The following HDAC11 variants were observed in gnomAD, a reference collection of about 807,000 sequenced individuals.
HDAC11 encodes the protein histone deacetylase 11.
HDAC11 carries 23 observed loss-of-function variants against 41.1 expected under a neutral mutation model. The ratio of observed to expected loss-of-function variants is 0.56; its 90% CI spans 0.40 to 0.79. The LOEUF (loss-of-function observed/expected upper bound fraction) is 0.79, where lower values mean the gene tolerates loss of function less well. Ranked by LOEUF, HDAC11 falls within the 30% of genes least tolerant of loss-of-function variation. HDAC11 has a pLI of 0.00. For missense variants in HDAC11, 402 were observed against 477.3 expected (o/e 0.84, Z 1.47); for synonymous variants, 187 against 186.6 (o/e 1.00, Z -0.02).
At chr3:13,482,637 C>T (rs1478805748) in intron 2 of HDAC11, among the ~76,000 whole-genome samples, 1 of 152,138 alleles carries the variant, frequency 6.6e-6, no homozygotes, top group Non-Finnish European at 1.5e-5. Flanking sequence ...AAATAAAAAA[C>T]TTAGCTGGGG....
Position 13,504,710 on chromosome 3 carries a change from C to T in HDAC11, c.*27C>T, listed in dbSNP as rs1702542225. The T allele has an allele frequency of 6.3e-7, 1 of 1,583,478 alleles. No individual in the cohort carries two copies. The highest frequency in any genetic ancestry group is 8.7e-7 in the Non-Finnish European group (1 of 1,153,278). On this transcript the variant is annotated 3_prime_UTR_variant, in exon 10 of 10. Coordinates refer to ENST00000295757, the MANE Select transcript of HDAC11 (RefSeq NM_024827.4). ...CCTTGCTGCCCTGCCTGTCACGTGG[C>T]CCTGCCTATCCGCCCCTTAGTGCTT...
rs909940805 is a variant in HDAC11, at chr3:13,481,276, G to A, written c.33G>A (p.Val11=). 1.2e-6 allele frequency: 2 copies of A among 1,612,388 alleles called. No homozygotes were observed. Among genetic ancestry groups the A allele is most frequent in the Non-Finnish European group, 8.5e-7 (1 of 1,179,984 alleles). The stretch of plus-strand genomic sequence containing the variant: ...ACACAACCCAGCTGTACCAGCATGT[G>A]CCAGAGACACGCTGGCCAATCGTGT... MLHTTQLYQH[V]PETRWPIVYS... is the part of the protein sequence containing the mutation. The change falls in exon 2 of 10, where the codon GTG becomes GTA. Residue 11 remains valine, a synonymous_variant. Transcript: ENST00000295757.
rs773395422 is a variant in HDAC11 at position 13,483,502 on chromosome 3, C to T, written c.190C>T (p.Arg64Trp). ...LLSDSMLVEA[R>W]EASEEDLLVV... The stretch of plus-strand genomic sequence containing the variant: ...GTCTGACAGCATGCTGGTGGAGGCG[C>T]GGGAGGCCTCGGAGGAGGACCTGCT... The change falls in exon 3 of 10, where the codon CGG (arginine) becomes TGG (tryptophan). Residue 64 changes from arginine to tryptophan, a missense_variant. Arg to Trp is a moderately radical substitution (Grantham distance 101). Coordinates refer to ENST00000295757, the MANE Select transcript of HDAC11 (RefSeq NM_024827.4). 1.4e-5 allele frequency: 23 copies of T among 1,613,230 alleles called. No homozygotes were observed. Among genetic ancestry groups the T allele is most frequent in the African/African-American group, 5.3e-5 (4 of 74,856 alleles).
chr3:13,488,921 GT>G (rs61601998), intron 3 of HDAC11, among the ~76,000 whole-genome samples: 6,735 of 146,582 alleles, frequency 0.046, 319 homozygotes, highest in African/African-American at 0.12. Context: ...ATTTTCTGGT[GT>G]TTTTTTTTTT....
chr3:13,504,435 C>T (rs1446954143), intron 9 of HDAC11, 33 bp from the exon 10 acceptor site: 5 of 1,609,992 alleles, frequency 3.1e-6, no homozygotes, highest in African/African-American at 2.7e-5. Context: ...GGGGGTCTGG[C>T]CTGCCTGAGT....
intron 3 of HDAC11, among the ~76,000 whole-genome samples, chr3:13,485,115 G>A (rs1362959618): frequency 6.6e-5 from 10 of 152,222 alleles, no homozygotes; most frequent in Admixed American, 5.2e-4. Flanking sequence ...GAAGTTGGCC[G>A]GGCCTTGGGG....
chr3:13,488,961 G>A (rs1192901223), intron 3 of HDAC11, among the ~76,000 whole-genome samples: 6 of 152,032 alleles, frequency 3.9e-5, no homozygotes, highest in African/African-American at 1.2e-4. Flanking sequence ...CTTACTGGAT[G>A]TGAAGTGGTA....
intron 3 of HDAC11, among the ~76,000 whole-genome samples, chr3:13,489,340 G>A (rs1449654007): frequency 6.6e-6 from 1 of 152,092 alleles, no homozygotes; most frequent in African/African-American, 2.4e-5. Flanking sequence ...TCTTCTAAGA[G>A]TTTTATAGTT....
At chr3:13,484,439 G>T (rs920422349) in intron 3 of HDAC11, among the ~76,000 whole-genome samples, 1 of 152,222 alleles carries the variant, frequency 6.6e-6, no homozygotes, top group Non-Finnish European at 1.5e-5. Flanking sequence ...TTCCCAAGGG[G>T]CGGCTCCTCA....
chr3:13,502,165 G>A lies in HDAC11; in HGVS notation c.552+232G>A. ...CCTCCTCCTGACTGCCCCCACATGA[G>A]GCTCTTCCTGAAGCCCACTCTGATG... On this transcript the variant is annotated intron_variant, in intron 7 of 9. Coordinates refer to ENST00000295757, the MANE Select transcript of HDAC11 (RefSeq NM_024827.4). This position sits in a 1 kb window ranked among gnomAD's most constrained non-coding sequence, Gnocchi z 4.1. The A allele has an allele frequency of 3.6e-6, 2 of 549,518 alleles. No homozygotes were observed. The highest frequency in any genetic ancestry group is 4.8e-4 in the Middle Eastern group (1 of 2,064). 34.0% of individuals were successfully genotyped at this position (549,518 alleles called of 1,614,324 possible).
chr3:13,498,688 C>T, intron 5 of HDAC11, 133 bp downstream of exon 5: 1 of 982,864 alleles, frequency 1.0e-6, no homozygotes, highest in Non-Finnish European at 1.5e-6. Context: ...TCCCAAGTCA[C>T]CCTAGCCTCC....
intron 2 of HDAC11, 88 bp from the exon 3 acceptor site, chr3:13,483,376 G>A (rs993183564): frequency 4.6e-5 from 52 of 1,142,404 alleles, no homozygotes; most frequent in Non-Finnish European, 3.1e-5. Context: ...GGCTGCCACA[G>A]GCCAAGTCTG....
intron 1 of HDAC11, chr3:13,481,038 C>T (rs1701290432): frequency 5.1e-6 from 3 of 583,622 alleles, no homozygotes; most frequent in Non-Finnish European, 9.1e-6. Flanking sequence ...GTGGTGCCTA[C>T]CCCCAGGGCT....
In HDAC11 at chr3:13,490,258, C is replaced by G. The variant is rs139545990; in HGVS notation, c.253-6478C>G. Among the ~76,000 whole-genome samples, 749 of 152,262 alleles carry G rather than the reference C, an allele frequency of 4.9e-3. 9 individuals carry two copies. The highest frequency in any genetic ancestry group is 0.017 in the African/African-American group (720 of 41,552). On this transcript the variant is annotated intron_variant, in intron 3 of 9. Coordinates refer to ENST00000295757, the MANE Select transcript of HDAC11 (RefSeq NM_024827.4). Reference sequence around the variant, plus strand: ...CTGCCTGCCTCTGCCTCCCAAAGTGCTGGGATTACAGGCATGAGCCACCGT... The same window carrying G: ...CTGCCTGCCTCTGCCTCCCAAAGTGGTGGGATTACAGGCATGAGCCACCGT...
Position 13,502,854 on chromosome 3 carries a change from C to T in HDAC11, c.553-30C>T. ...CCCCAGCCTTGCCTAGGGCACCTAC[C>T]CGAGAGCGGCTACTGTGACCTCCCC... On this transcript the variant is annotated intron_variant, in intron 7 of 9. Transcript: ENST00000295757. This position sits in a 1 kb window ranked among gnomAD's most constrained non-coding sequence, Gnocchi z 4.1. 2 of 1,589,634 alleles carry T rather than the reference C, an allele frequency of 1.3e-6. No homozygotes were observed. Among genetic ancestry groups the T allele is most frequent in the Non-Finnish European group, 1.7e-6 (2 of 1,159,016 alleles).
chr3:13,499,246 C>A (rs1054666260), intron 5 of HDAC11, among the ~76,000 whole-genome samples: 3 of 152,124 alleles, frequency 2.0e-5, no homozygotes, highest in African/African-American at 7.2e-5. Flanking sequence ...CTCGGCTCAC[C>A]GCAACCTCCG....
chr3:13,480,409 C>G lies in HDAC11; in HGVS notation c.2+60C>G. 9.5e-7 allele frequency: 1 copy of G among 1,054,714 alleles called. No individual in the cohort carries two copies. Among genetic ancestry groups the G allele is most frequent in the Non-Finnish European group, 1.2e-6 (1 of 836,436 alleles). The allele number at this position is 1,054,714 out of a possible 1,614,324, so 65.3% of individuals were successfully genotyped here. A position where few individuals can be genotyped will look rare whatever the true frequency, so the allele number is the denominator to read the frequency against. ...CCAGGGGTCCCGGTGGGCGGGCGCG[C>G]TAGGGCGAGGGCGGGGACGGCCGGG... On this transcript the variant is annotated intron_variant, in intron 1 of 9. Transcript: ENST00000295757. The surrounding 1 kb of genome is among the most constrained non-coding windows in gnomAD (Gnocchi z 4.6).
At position 13,496,844 on chromosome 3, in the gene HDAC11, A is replaced by G; in HGVS notation, c.361A>G (p.Thr121Ala). 1 of 1,413,784 alleles carries G rather than the reference A, an allele frequency of 7.1e-7. No homozygotes were observed. The highest frequency in any genetic ancestry group is 9.8e-7 in the Non-Finnish European group (1 of 1,018,642). 87.6% of individuals were successfully genotyped at this position (1,413,784 alleles called of 1,614,324 possible). Reference protein sequence around the residue: ...LRPLRTQTGGTIMAGKLAVER... With the variant: ...LRPLRTQTGGAIMAGKLAVER... ...GCCCCTTCGGACCCAGACAGGAGGA[A>G]CCATAATGGTAGGTGGGGTGGGGGG... is the stretch of plus-strand genomic sequence containing the variant. Residue 121 changes from threonine to alanine, a missense_variant, in exon 4 of 10, where the codon ACC becomes GCC. By Grantham distance (58) the Thr-to-Ala change is moderately conservative (BLOSUM62 0). Coordinates refer to ENST00000295757, the MANE Select transcript of HDAC11 (RefSeq NM_024827.4).
chr3:13,501,591 C>T (rs998415326), intron 6 of HDAC11: 2 of 667,354 alleles, frequency 3.0e-6, no homozygotes, highest in Non-Finnish European at 5.7e-6. Context: ...AATCCAGGGC[C>T]TGAGTGACCC....
Sources: gnomAD v4.1 joint callset for allele counts (sites outside exome capture counted in the v4.1 genomes callset) on GRCh38, gnomAD v4.1.1 for gene constraint, Gnocchi (gnomAD v3.1) non-coding constraint, MANE v1.5 for transcripts, NCBI Gene and HGNC (gene_info 2026-07-23, HGNC 2026-07-21) for gene names.